The following ZNF841 variants were observed in gnomAD, a reference collection of about 807,000 sequenced individuals.
ZNF841 encodes zinc finger protein 841.
A neutral mutation model predicts 13.0 loss-of-function variants in ZNF841; 11 were observed. That is an observed-to-expected ratio of 0.85 (90% CI 0.53 to 1.40). The LOEUF (loss-of-function observed/expected upper bound fraction) is 1.40. Ranked by LOEUF, ZNF841 falls within the 40% of genes most tolerant of loss-of-function variation. The pLI is 0.00. For missense variants in ZNF841, 1,068 were observed against 1,139.5 expected (o/e 0.94, Z 0.90); for synonymous variants, 369 against 381.6 (o/e 0.97, Z 0.38).
rs531428248 is a variant in ZNF841 at position 52,070,079 on chromosome 19, C to A, written c.272-2469G>T. ...CCCACAGGATTTATGTATCTATACC[C>A]AATTTACAAAGAAAGTAAGACACAA... On this transcript the variant is annotated intron_variant, in intron 6 of 6. Transcript: ENST00000594440. Among the ~76,000 whole-genome samples, 15 of 152,282 alleles carry A rather than the reference C, an allele frequency of 9.9e-5. No homozygotes were observed. The South Asian group carries it at 2.7e-3, about 27-fold the overall frequency.
rs1568533727 is a variant in ZNF841 at position 52,065,432 on chromosome 19, CCAGTATG to C, written c.2443_2449del (p.His815GlufsTer81). The C allele has an allele frequency of 6.2e-7, 1 of 1,613,862 alleles. No individual in the cohort carries two copies. Among genetic ancestry groups the C allele is most frequent in the East Asian group, 2.2e-5 (1 of 44,868 alleles). Reference sequence around the variant, plus strand: ...TTCATTACATTTATAAGGTTTCTCTCCAGTATGCATCATCTGATGATTAAGCAGAATT... The same window carrying C: ...TTCATTACATTTATAAGGTTTCTCTCCATCATCTGATGATTAAGCAGAATT... On this transcript the variant is annotated frameshift_variant, in exon 7 of 7. Coordinates refer to ENST00000594440, the MANE Select transcript of ZNF841 (RefSeq NM_001136499.2). LOFTEE classifies it low-confidence loss of function (END_TRUNC).
Position 52,066,872 on chromosome 19 carries a change from C to T in ZNF841, c.1010G>A (p.Arg337Lys). 1 of 1,614,120 alleles carries T rather than the reference C, an allele frequency of 6.2e-7. No homozygotes were observed. The highest frequency in any genetic ancestry group is 8.5e-7 in the Non-Finnish European group (1 of 1,180,020). The change falls in exon 7 of 7, where the codon AGA becomes AAA. Residue 337 changes from arginine (R) to lysine (K), a missense_variant. Transcript: ENST00000594440. Reference sequence around the variant, plus strand: ...GTAGGGTTTGTCTCCAGTGTGACTTCTCCGGTGATTTACAAGATCTGAATT... The same window carrying T: ...GTAGGGTTTGTCTCCAGTGTGACTTTTCCGGTGATTTACAAGATCTGAATT... ...RQNSDLVNHR[R>K]SHTGDKPYIC...
chr19:52,064,441 T>C (rs1352154531), downstream of ZNF841: 1 of 147,480 alleles, frequency 6.8e-6, no homozygotes, highest in East Asian at 2.1e-4. Flanking sequence ...ATTGCATGGC[T>C]AGACAGAAAT....
intron 5 of ZNF841, 147 bp from the exon 6 acceptor site, chr19:52,076,319 C>T: frequency 1.0e-6 from 1 of 973,938 alleles, no homozygotes; most frequent in South Asian, 1.7e-5. Flanking sequence ...GCTTAGTGAA[C>T]ACTGTAAGAT....
In ZNF841 at chr19:52,076,105, C is replaced by T. The variant is rs954322957; in HGVS notation, c.210G>A (p.Val70=). 1 of 1,556,128 alleles carries T rather than the reference C, an allele frequency of 6.4e-7. No individual in the cohort carries two copies. Among genetic ancestry groups the T allele is most frequent in the South Asian group, 1.2e-5 (1 of 84,356 alleles). Residue 70 remains valine (V), a synonymous_variant, in exon 6 of 7, where the codon GTG becomes GTA. Coordinates refer to ENST00000594440, the MANE Select transcript of ZNF841 (RefSeq NM_001136499.2). ...GGTTCCTCGCTATTTTCACTTGGCT[C>T]ACCACAGTCCAGGGCTCTTTCCCTT... ...LEQGKEPWTV[V]SQVKIARNPN...
intron 4 of ZNF841, among the ~76,000 whole-genome samples, chr19:52,080,317 G>C (rs1183492659): frequency 1.3e-5 from 2 of 152,164 alleles, no homozygotes; most frequent in Non-Finnish European, 2.9e-5. Flanking sequence ...TTGCCTCGGG[G>C]ATAAATCCAG....
At chr19:52,085,428 C>G (rs1453461023) in intron 3 of ZNF841, among the ~76,000 whole-genome samples, 1 of 152,192 alleles carries the variant, frequency 6.6e-6, no homozygotes, top group Non-Finnish European at 1.5e-5. Context: ...CTAGCACAGC[C>G]CCATCCTCCC....
intron 6 of ZNF841, among the ~76,000 whole-genome samples, chr19:52,070,441 G>A (rs1257582400): frequency 6.6e-6 from 1 of 152,208 alleles, no homozygotes; most frequent in Non-Finnish European, 1.5e-5. Flanking sequence ...GAGAAGGATG[G>A]TGGAAGAAGG....
chr19:52,087,875 C>A (rs2088332149), intron 3 of ZNF841, among the ~76,000 whole-genome samples: 1 of 151,728 alleles, frequency 6.6e-6, no homozygotes, highest in Non-Finnish European at 1.5e-5. Flanking sequence ...AATGACCCCA[C>A]CCCCGAATAC....
In ZNF841 at chr19:52,076,329, T is replaced by C. The variant is rs533692246; in HGVS notation, c.143-157A>G. The C allele has an allele frequency of 2.8e-4, 244 of 870,252 alleles. No homozygotes were observed. The Middle Eastern group carries it at 5.8e-3, about 21-fold the overall frequency. The allele number at this position is 870,252 out of a possible 1,614,324, so 53.9% of individuals were successfully genotyped here. On this transcript the variant is annotated intron_variant, in intron 5 of 6. Coordinates refer to ENST00000594440, the MANE Select transcript of ZNF841 (RefSeq NM_001136499.2). ...TGAATGCTTAGTGAACACTGTAAGA[T>C]GAAGATATCTAGCTCTCTCCCAAGA...
At chr19:52,077,238 T>C (rs150292853) in intron 4 of ZNF841, among the ~76,000 whole-genome samples, 154 bp from the exon 5 acceptor site, 1,771 of 152,328 alleles carry the variant, frequency 0.012, 35 homozygotes, top group African/African-American at 0.041. Context: ...CTCCCTGATT[T>C]TGGGTTTTAT....
chr19:52,066,850 G>C lies in ZNF841; in HGVS notation c.1032C>G (p.Pro344=). ...ACTTGCCACATTCATTACATATGTA[G>C]GGTTTGTCTCCAGTGTGACTTCTCC... is the stretch of plus-strand genomic sequence containing the variant. ...NHRRSHTGDK[P]YICNECGKSF... is the part of the protein sequence containing the mutation. Residue 344 remains proline (P), a synonymous_variant, in exon 7 of 7, where the codon CCC becomes CCG. Transcript: ENST00000594440. The C allele has an allele frequency of 2.5e-6, 4 of 1,614,100 alleles. No individual in the cohort carries two copies. Among genetic ancestry groups the C allele is most frequent in the South Asian group, 2.2e-5 (2 of 91,078 alleles).
chr19:52,065,654 C>T lies in ZNF841; in HGVS notation c.2228G>A (p.Gly743Glu), dbSNP rs1032050432. The T allele has an allele frequency of 2.5e-6, 4 of 1,605,598 alleles. No individual in the cohort carries two copies. In the African/African-American group the frequency reaches 5.4e-5, roughly 21 times the overall value. ...GEMPYKCIEC[G>E]KVFNSTTTLA... is the part of the protein sequence containing the mutation. ...GGTTGTAGTGGAGTTAAAGACTTTC[C>T]CACATTCAATACATTTGTATGGCAT... The change falls in exon 7 of 7, where the codon GGG becomes GAG. Residue 743 changes from glycine to glutamate, a missense_variant. Gly to Glu is a moderately conservative substitution (Grantham distance 98). Coordinates refer to ENST00000594440, the MANE Select transcript of ZNF841 (RefSeq NM_001136499.2).
intron 2 of ZNF841, among the ~76,000 whole-genome samples, chr19:52,092,466 G>A (rs2088528947): frequency 6.6e-6 from 1 of 152,076 alleles, no homozygotes; most frequent in East Asian, 1.9e-4. Context: ...CTCTTACGAA[G>A]GCTATTTTAA....
chr19:52,077,178 TG>T (rs1324020420), intron 4 of ZNF841, 94 bp from the exon 5 acceptor site: 4 of 1,389,332 alleles, frequency 2.9e-6, no homozygotes, highest in African/African-American at 2.9e-5. Context: ...TCAATTTGAT[TG>T]AAGTGTGTTT....
At chr19:52,059,390 T>TATAC in the ZNF841 span, among the ~76,000 whole-genome samples, 1,320 of 96,116 alleles carry the variant, frequency 0.014, 22 homozygotes, top group Non-Finnish European at 0.017. Context: ...TATATATATA[T>TATAC]ACACACACAC....
rs2087893840 is a variant in ZNF841, at chr19:52,076,153, C to T, written c.162G>A (p.Leu54=). ...CTTGCTCCAACATGGAGATAATATT[C>T]AGGTCAGGAAGACAGAGTCCTGCTT... ...LGFLGLCLPD[L]NIISMLEQGK... The change falls in exon 6 of 7, where the codon CTG becomes CTA. Residue 54 remains leucine, a synonymous_variant. Coordinates refer to ENST00000594440, the MANE Select transcript of ZNF841 (RefSeq NM_001136499.2). 6.4e-7 allele frequency: 1 copy of T among 1,555,650 alleles called. No homozygotes were observed. The highest frequency in any genetic ancestry group is 8.7e-7 in the Non-Finnish European group (1 of 1,149,078).
downstream of ZNF841, among the ~76,000 whole-genome samples, chr19:52,061,968 C>A (rs1329647581): frequency 2.6e-5 from 4 of 152,130 alleles, no homozygotes; most frequent in Admixed American, 1.3e-4. Context: ...CCTACTAAGT[C>A]CCCCAAACAC....
chr19:52,066,840 T>C lies in ZNF841; in HGVS notation c.1042A>G (p.Asn348Asp). 6.2e-7 allele frequency: 1 copy of C among 1,614,184 alleles called. No homozygotes were observed. Among genetic ancestry groups the C allele is most frequent in the South Asian group, 1.1e-5 (1 of 91,082 alleles). Residue 348 changes from asparagine to aspartate, a missense_variant, in exon 7 of 7, where the codon AAT (asparagine) becomes GAT (aspartate). Physicochemically the swap from Asn to Asp is conservative, Grantham distance 23. Transcript: ENST00000594440. ...SHTGDKPYICNECGKSFSKSS... is the reference protein window; with the variant it reads ...SHTGDKPYICDECGKSFSKSS... ...TTACTAAAGGACTTGCCACATTCAT[T>C]ACATATGTAGGGTTTGTCTCCAGTG... is the stretch of plus-strand genomic sequence containing the variant.
Sources: gnomAD v4.1 joint callset for allele counts (sites outside exome capture counted in the v4.1 genomes callset) on GRCh38, gnomAD v4.1.1 for gene constraint, MANE v1.5 for transcripts, NCBI Gene and HGNC (gene_info 2026-07-23, HGNC 2026-07-21) for gene names.